Variants in NBEAL1 observed in about 807,000 individuals in gnomAD.
The protein encoded by NBEAL1 is neurobeachin like 1.
In NBEAL1, 273 loss-of-function variants were observed where a neutral mutation model predicts 351.3. The observed-to-expected ratio is 0.78, with a 90% CI of 0.70 to 0.86. The LOEUF (loss-of-function observed/expected upper bound fraction) is 0.86. Ranked by LOEUF, NBEAL1 falls within the 40% of genes least tolerant of loss-of-function variation. The probability of loss-of-function intolerance (pLI) is 0.00; values close to 1 mark genes in which losing one functional copy is unlikely to be tolerated. For missense variants in NBEAL1, 2,961 were observed against 3,201.3 expected (o/e 0.92, Z 1.81); for synonymous variants, 1,050 against 1,086.4 (o/e 0.97, Z 0.66).
chr2:203,116,160 A>G, intron 18 of NBEAL1, 90 bp downstream of exon 18: 1 of 873,992 alleles, frequency 1.1e-6, no homozygotes, highest in Non-Finnish European at 1.8e-6. Flanking sequence ...TTCATTGGGT[A>G]ATTAAAAGGA....
chr2:203,165,911 C>T (rs2064116108), intron 36 of NBEAL1, among the ~76,000 whole-genome samples: 1 of 152,048 alleles, frequency 6.6e-6, no homozygotes, highest in African/African-American at 2.4e-5. Context: ...GGCATGGTGG[C>T]ATGCACCTGT....
At position 203,213,603 on chromosome 2, in the gene NBEAL1, G is replaced by C; in HGVS notation, c.8020G>C (p.Gly2674Arg). The change falls in exon 55 of 56, where the codon GGT (glycine) becomes CGT (arginine). Residue 2674 changes from glycine to arginine, a missense_variant. Transcript: ENST00000683969. The stretch of plus-strand genomic sequence containing the variant: ...CAAAGAATACAGCCATATTCTTGTA[G>C]GTTTAGAAGATGGCAAATTGATTGT... ...VTKEYSHILV[G>R]LEDGKLIVVG... 6.2e-7 allele frequency: 1 copy of C among 1,613,942 alleles called. No individual in the cohort carries two copies. The highest frequency in any genetic ancestry group is 8.5e-7 in the Non-Finnish European group (1 of 1,179,856).
At chr2:203,203,698 C>G (rs1397999514) in intron 51 of NBEAL1, among the ~76,000 whole-genome samples, 3 of 151,790 alleles carry the variant, frequency 2.0e-5, no homozygotes, top group African/African-American at 7.3e-5. Flanking sequence ...TGAGCAAGAT[C>G]CTATCTCAAA....
rs1215522033 is a variant in NBEAL1, at chr2:203,142,725, CA to C, written c.4849-1867del. Among the ~76,000 whole-genome samples the C allele has an allele frequency of 2.0e-5, 3 of 150,764 alleles. No homozygotes were observed. The East Asian group carries it at 5.8e-4, about 29-fold the overall frequency. On this transcript the variant is annotated intron_variant, in intron 31 of 55. Transcript: ENST00000683969. ...AAATAGTATTTTCTTAAACACATACCAAAAAAAAGCCCATAATATTACATTG... is the reference window on the plus strand; with the variant it reads ...AAATAGTATTTTCTTAAACACATACCAAAAAAAGCCCATAATATTACATTG...
chr2:203,119,481 A>G (rs946633603), intron 18 of NBEAL1, among the ~76,000 whole-genome samples: 2 of 121,252 alleles, frequency 1.6e-5, no homozygotes, highest in Non-Finnish European at 3.2e-5. Context: ...GCTGGAGTGC[A>G]GTGGCGCAAT....
intron 2 of NBEAL1, among the ~76,000 whole-genome samples, chr2:203,028,623 A>T (rs1024887521): frequency 1.3e-5 from 2 of 151,322 alleles, no homozygotes; most frequent in African/African-American, 4.8e-5. Context: ...GACAAGTGTC[A>T]ATGTTATATT....
At position 203,217,644 on chromosome 2, in the gene NBEAL1, A is replaced by G; in HGVS notation, c.*290A>G. On this transcript the variant is annotated 3_prime_UTR_variant, in exon 56 of 56. Transcript: ENST00000683969. ...TTCAATTTTCTTATTATTCCAAATG[A>G]TAAAATTTAAGATTTTTCTAATAAA... The G allele has an allele frequency of 1.0e-6, 1 of 981,548 alleles. No individual in the cohort carries two copies. Among genetic ancestry groups the G allele is most frequent in the Non-Finnish European group, 1.2e-6 (1 of 815,446 alleles). The allele number at this position is 981,548 out of a possible 1,614,324, so 60.8% of individuals were successfully genotyped here.
chr2:203,110,077 G>T (rs1042342701), intron 14 of NBEAL1, 73 bp from the exon 15 acceptor site: 2 of 1,393,214 alleles, frequency 1.4e-6, no homozygotes, highest in African/African-American at 2.9e-5. Context: ...TGGCTTTATG[G>T]TTTTATGTAC....
chr2:203,029,078 C>T (rs1027825537), intron 2 of NBEAL1, among the ~76,000 whole-genome samples: 3 of 152,086 alleles, frequency 2.0e-5, no homozygotes, highest in African/African-American at 7.2e-5. Flanking sequence ...CTCCACCTCC[C>T]GAGTTCCAGT....
At position 203,083,332 on chromosome 2, in the gene NBEAL1, A is replaced by T; in HGVS notation, c.798A>T (p.Glu266Asp). 2 of 1,554,012 alleles carry T rather than the reference A, an allele frequency of 1.3e-6. No individual in the cohort carries two copies. ...GDPEEVGRKAELTLKCLTEVV... is the reference protein window; with the variant it reads ...GDPEEVGRKADLTLKCLTEVV... ...CTGAAGAAGTGGGTAGGAAGGCAGA[A>T]CTAACTCTGAAGTGCCTTACAGAAG... The change falls in exon 9 of 56, where the codon GAA (glutamate) becomes GAT (aspartate). Residue 266 changes from glutamate to aspartate, a missense_variant. Coordinates refer to ENST00000683969, the MANE Select transcript of NBEAL1 (RefSeq NM_001378026.1).
intron 19 of NBEAL1, among the ~76,000 whole-genome samples, chr2:203,123,319 C>T (rs1291360812): frequency 3.3e-5 from 5 of 149,260 alleles, no homozygotes; most frequent in Non-Finnish European, 5.9e-5. Context: ...AACACTTGTT[C>T]TTTTTCTTTT....
chr2:203,032,571 A>C lies in NBEAL1; in HGVS notation c.52-9194A>C, dbSNP rs572077902. Among the ~76,000 whole-genome samples the C allele has an allele frequency of 2.0e-4, 29 of 147,182 alleles. 1 individual carries two copies. The South Asian group carries it at 6.3e-3, about 32-fold the overall frequency. On this transcript the variant is annotated intron_variant, in intron 2 of 55. Coordinates refer to ENST00000683969, the MANE Select transcript of NBEAL1 (RefSeq NM_001378026.1). ...GCTACTTGGGAGGCTGAGGCAGGAG[A>C]ATGGCGTGAACCCGGGAGGCGGAGC...
intron 2 of NBEAL1, among the ~76,000 whole-genome samples, chr2:203,030,215 A>G (rs1574866954): frequency 6.6e-6 from 1 of 152,348 alleles, no homozygotes; most frequent in Middle Eastern, 3.4e-3. Context: ...GAAATTCTGG[A>G]TAAAATTTAA....
rs778612887 is a variant in NBEAL1, at chr2:203,172,761, A to G, written c.6231A>G (p.Glu2077=). ...GGATTTTACAAGATTATACTTCGGAAGAGTTGGACCTTAATAACCCTGCTG... is the reference window on the plus strand; with the variant it reads ...GGATTTTACAAGATTATACTTCGGAGGAGTTGGACCTTAATAACCCTGCTG... The part of the protein sequence containing the change: ...FPWILQDYTS[E]ELDLNNPAVF... Residue 2077 remains glutamate, a synonymous_variant, in exon 41 of 56, where the codon GAA becomes GAG. Transcript: ENST00000683969. The G allele has an allele frequency of 6.8e-6, 11 of 1,611,350 alleles. No individual in the cohort carries two copies. The highest frequency in any genetic ancestry group is 5.3e-5 in the African/African-American group (4 of 74,838).
rs1361296016 is a variant in NBEAL1, at chr2:203,107,633, T to C, written c.1394T>C (p.Val465Ala). Residue 465 changes from valine to alanine, a missense_variant, in exon 14 of 56, where the codon GTT (valine) becomes GCT (alanine). Val to Ala is a moderately conservative substitution (Grantham distance 64, BLOSUM62 0). Transcript: ENST00000683969. ...NMAVEGDHTS[V>A]GILGISNVQP... ...GCTGTAGAGGGTGACCACACTTCAG[T>C]TGGGATTTTGGGCATTAGTAATGTC... 5 of 1,552,118 alleles carry C rather than the reference T, an allele frequency of 3.2e-6. No individual in the cohort carries two copies. The African/African-American group carries it at 5.5e-5, about 17-fold the overall frequency.
chr2:203,167,545 G>A (rs2064173757), intron 38 of NBEAL1, among the ~76,000 whole-genome samples, 185 bp downstream of exon 38: 1 of 151,998 alleles, frequency 6.6e-6, no homozygotes, highest in Non-Finnish European at 1.5e-5. Context: ...TTGAGTTTTG[G>A]GGGAGCTCAG....
At chr2:203,176,904 C>T (rs1241897640) in intron 42 of NBEAL1, among the ~76,000 whole-genome samples, 1 of 151,986 alleles carries the variant, frequency 6.6e-6, no homozygotes, top group Non-Finnish European at 1.5e-5. Flanking sequence ...TAATCCCCAA[C>T]ACTTTGGGAG....
Position 203,040,196 on chromosome 2 carries a change from A to G in NBEAL1, c.52-1569A>G, listed in dbSNP as rs547351055. On this transcript the variant is annotated intron_variant, in intron 2 of 55. Transcript: ENST00000683969. Reference sequence around the variant, plus strand: ...GCTTATCAAGCCCTCAAAGCCACTCAGGCAAAGCAGGCACTTTTGGCAAAG... The same window carrying G: ...GCTTATCAAGCCCTCAAAGCCACTCGGGCAAAGCAGGCACTTTTGGCAAAG... 19 of 1,481,202 alleles carry G rather than the reference A, an allele frequency of 1.3e-5. No homozygotes were observed. In the African/African-American group the frequency reaches 2.2e-4, roughly 17 times the overall value. The allele number at this position is 1,481,202 out of a possible 1,614,324, so 91.8% of individuals were successfully genotyped here.
At chr2:203,077,374 G>GA (rs1452175684) in intron 7 of NBEAL1, among the ~76,000 whole-genome samples, 2 of 146,910 alleles carry the variant, frequency 1.4e-5, no homozygotes, top group Admixed American at 6.8e-5. Flanking sequence ...CATCTCAAAG[G>GA]AAAAAAAAAA....
Sources: gnomAD v4.1 joint callset for allele counts (sites outside exome capture counted in the v4.1 genomes callset) on GRCh38, gnomAD v4.1.1 for gene constraint, MANE v1.5 for transcripts, NCBI Gene and HGNC (gene_info 2026-07-23, HGNC 2026-07-21) for gene names.